ENOX1: variants seen among roughly 807,000 people sequenced by gnomAD.
ENOX1 encodes the protein candidate growth-related and time keeping constitutive hydroquinone (NADH) oxidase.
ENOX1 carries 42 observed loss-of-function variants against 82.5 expected under a neutral mutation model. The ratio of observed to expected loss-of-function variants is 0.51; its 90% CI spans 0.40 to 0.66. ENOX1 has a LOEUF of 0.66. Among genes scored for constraint, ENOX1 ranks in the 30% least tolerant of loss-of-function variants. ENOX1 has a pLI of 0.00. For missense variants in ENOX1, 608 were observed against 811.6 expected (o/e 0.75, Z 3.05); for synonymous variants, 271 against 282.2 (o/e 0.96, Z 0.40).
intron 3 of ENOX1, among the ~76,000 whole-genome samples, chr13:43,436,676 C>T (rs1295443598): frequency 2.0e-5 from 3 of 151,998 alleles, no homozygotes; most frequent in Admixed American, 6.6e-5. Context: ...AGTTACTATA[C>T]AGCTTGGAGT....
chr13:43,246,938 A>C lies in ENOX1; in HGVS notation c.1612-10200T>G, dbSNP rs2043111757. On this transcript the variant is annotated intron_variant, in intron 14 of 16. Coordinates refer to ENST00000690772, the MANE Select transcript of ENOX1 (RefSeq NM_001347969.2). ...TGGAAAGATTCTATGTGTGAAGCAGAGAGGGGCGAGCTAAAATCATTTAAA... is the reference window on the plus strand; with the variant it reads ...TGGAAAGATTCTATGTGTGAAGCAGCGAGGGGCGAGCTAAAATCATTTAAA... Among the ~76,000 whole-genome samples the C allele has an allele frequency of 3.3e-5, 5 of 152,330 alleles. No homozygotes were observed. The South Asian group carries it at 1.0e-3, about 32-fold the overall frequency.
intron 14 of ENOX1, among the ~76,000 whole-genome samples, chr13:43,239,253 C>G (rs987481501): frequency 2.0e-5 from 3 of 152,106 alleles, no homozygotes; most frequent in Non-Finnish European, 4.4e-5. Context: ...CTGGAGTGGA[C>G]ACATCTCTCT....
At chr13:43,241,808 C>T (rs1377803198) in intron 14 of ENOX1, among the ~76,000 whole-genome samples, 1 of 152,176 alleles carries the variant, frequency 6.6e-6, no homozygotes, top group Non-Finnish European at 1.5e-5. Context: ...TTCTAAGAGT[C>T]CTCATCACTT....
At chr13:43,402,730 C>T (rs2053567483) in intron 5 of ENOX1, among the ~76,000 whole-genome samples, 1 of 152,128 alleles carries the variant, frequency 6.6e-6, no homozygotes, top group Admixed American at 6.6e-5. Flanking sequence ...TGACATTAAC[C>T]CAATGCAAAA....
At chr13:43,492,614 G>T (rs1010055190) in intron 2 of ENOX1, among the ~76,000 whole-genome samples, 9 of 152,146 alleles carry the variant, frequency 5.9e-5, no homozygotes, top group African/African-American at 1.7e-4. Context: ...CAAAGAAAAG[G>T]CCATTTTGTC....
At chr13:43,595,324 T>C (rs756903684) in intron 2 of ENOX1, among the ~76,000 whole-genome samples, 41 of 152,278 alleles carry the variant, frequency 2.7e-4, no homozygotes, top group Non-Finnish European at 4.4e-4. Context: ...TCCTTGATTA[T>C]CTAACTCTAA....
chr13:43,433,345 A>C (rs964591368), intron 3 of ENOX1, among the ~76,000 whole-genome samples: 17 of 152,118 alleles, frequency 1.1e-4, no homozygotes, highest in Admixed American at 7.2e-4. Flanking sequence ...TTCAAGAACA[A>C]CACCAAGCCA....
At chr13:43,757,163 A>G (rs902721550) in intron 1 of ENOX1, among the ~76,000 whole-genome samples, 40 of 152,084 alleles carry the variant, frequency 2.6e-4, no homozygotes, top group African/African-American at 9.4e-4. Context: ...TATACGAGAG[A>G]CCTGATATGG....
intron 14 of ENOX1, among the ~76,000 whole-genome samples, chr13:43,245,661 G>T (rs994466295): frequency 6.6e-6 from 1 of 152,144 alleles, no homozygotes; most frequent in South Asian, 2.1e-4. Flanking sequence ...CCCGAGGGTC[G>T]TGGGCTCTCA....
chr13:43,736,625 G>A (rs1026649224), intron 1 of ENOX1, among the ~76,000 whole-genome samples: 11 of 152,138 alleles, frequency 7.2e-5, no homozygotes, highest in African/African-American at 1.4e-4. Context: ...GCTTGTCTCC[G>A]CAGTATGGCC....
At position 43,213,908 on chromosome 13, in the gene ENOX1, C is replaced by T. The variant is rs1175872556; in HGVS notation, c.*82G>A. 3 of 1,526,966 alleles carry T rather than the reference C, an allele frequency of 2.0e-6. No individual in the cohort carries two copies. The highest frequency in any genetic ancestry group is 1.4e-5 in the African/African-American group (1 of 73,036). The allele number at this position is 1,526,966 out of a possible 1,614,324, so 94.6% of individuals were successfully genotyped here. On this transcript the variant is annotated 3_prime_UTR_variant, in exon 17 of 17. Transcript: ENST00000690772. ...CCACAAAGGTTGCGTGCTGGACCAA[C>T]CCCACACCTCCTGCTTCCCCGTCGC...
rs564369386 is a variant in ENOX1, at chr13:43,693,321, T to C, written c.-284-25777A>G. Among the ~76,000 whole-genome samples, 27 of 152,306 alleles carry C rather than the reference T, an allele frequency of 1.8e-4. No homozygotes were observed. The South Asian group carries it at 5.2e-3, about 29-fold the overall frequency. On this transcript the variant is annotated intron_variant, in intron 1 of 16. Coordinates refer to ENST00000690772, the MANE Select transcript of ENOX1 (RefSeq NM_001347969.2). ...AAGAATGGAGAAAGACAAAAACCAA[T>C]GTTTGTGTGAATGGATAGAGAAGAG...
At chr13:43,514,123 CAA>C (rs2077473535) in intron 2 of ENOX1, among the ~76,000 whole-genome samples, 1 of 152,078 alleles carries the variant, frequency 6.6e-6, no homozygotes, top group Admixed American at 6.6e-5. Context: ...CTTCTTGAGA[CAA>C]AGAGGCAATT....
At chr13:43,325,299 A>C (rs1225717096) in intron 10 of ENOX1, among the ~76,000 whole-genome samples, 1 of 152,240 alleles carries the variant, frequency 6.6e-6, no homozygotes, top group Non-Finnish European at 1.5e-5. Context: ...TTAGTGAACA[A>C]ACTAAAAAAT....
chr13:43,232,468 A>C (rs1364750743), intron 15 of ENOX1, among the ~76,000 whole-genome samples: 1 of 152,164 alleles, frequency 6.6e-6, no homozygotes, highest in East Asian at 1.9e-4. Flanking sequence ...ATATAGCCTC[A>C]ACTTTATTCA....
chr13:43,617,141 A>G (rs1469437765), intron 2 of ENOX1, among the ~76,000 whole-genome samples: 1 of 152,208 alleles, frequency 6.6e-6, no homozygotes, highest in Non-Finnish European at 1.5e-5. Flanking sequence ...CCTTTTTCAT[A>G]CAGTTAAAGT....
intron 14 of ENOX1, among the ~76,000 whole-genome samples, chr13:43,261,988 A>G: frequency 6.6e-6 from 1 of 152,044 alleles, no homozygotes; most frequent in Non-Finnish European, 1.5e-5. Context: ...TTAAAGTATA[A>G]TAAAAAAAAA....
At chr13:43,340,588 CA>C (rs1200893420) in intron 9 of ENOX1, among the ~76,000 whole-genome samples, 29 of 152,206 alleles carry the variant, frequency 1.9e-4, no homozygotes, top group Non-Finnish European at 3.4e-4. Flanking sequence ...TCTTTCACCC[CA>C]ACTCTCCTAA....
chr13:43,550,884 T>A (rs1358272828), intron 2 of ENOX1, among the ~76,000 whole-genome samples: 2 of 152,212 alleles, frequency 1.3e-5, no homozygotes, highest in African/African-American at 4.8e-5. Context: ...ATCAGCAGTT[T>A]ACGTTATTAA....
Sources: allele counts gnomAD v4.1 joint callset (sites outside exome capture counted in the v4.1 genomes callset), GRCh38; gene constraint gnomAD v4.1.1; transcripts MANE v1.5; gene names NCBI Gene and HGNC (gene_info 2026-07-23, HGNC 2026-07-21).